The following KDM4C variants were observed in gnomAD, a reference collection of about 807,000 sequenced individuals.
The protein encoded by KDM4C is lysine-specific demethylase 4C.
KDM4C carries 81 observed loss-of-function variants against 129.3 expected under a neutral mutation model. The ratio of observed to expected loss-of-function variants is 0.63; its 90% CI spans 0.52 to 0.75. KDM4C has a LOEUF of 0.75. Among genes scored for constraint, KDM4C ranks in the 30% least tolerant of loss-of-function variants. The pLI is 0.00. For synonymous variants in KDM4C, 573 were observed against 456.1 expected, an observed-to-expected ratio of 1.26 and a Z score of -3.26; for missense variants, 1,457 against 1,304.0, an observed-to-expected ratio of 1.12 and a Z score of -1.81.
intron 5 of KDM4C, among the ~76,000 whole-genome samples, chr9:6,854,602 AAG>A (rs528407908): frequency 3.2e-4 from 48 of 151,640 alleles, no homozygotes; most frequent in African/African-American, 1.1e-3. Flanking sequence ...GATAAGGTGT[AAG>A]AGGATGTGTT....
At chr9:7,013,036 C>G in intron 13 of KDM4C, among the ~76,000 whole-genome samples, 1 of 151,920 alleles carries the variant, frequency 6.6e-6, no homozygotes, top group East Asian at 1.9e-4. Flanking sequence ...TTTTCTCTTC[C>G]TTTAGTCATT....
intron 15 of KDM4C, among the ~76,000 whole-genome samples, chr9:7,036,442 C>T (rs1295206321): frequency 6.6e-6 from 1 of 152,136 alleles, no homozygotes; most frequent in African/African-American, 2.4e-5. Context: ...TTACATGTTT[C>T]TTGCCACTTA....
At chr9:7,059,178 C>G (rs1417466471) in intron 17 of KDM4C, among the ~76,000 whole-genome samples, 2 of 152,166 alleles carry the variant, frequency 1.3e-5, no homozygotes, top group South Asian at 2.1e-4. Flanking sequence ...GGAGCAGGGT[C>G]TTGCTCTGTC....
intron 19 of KDM4C, among the ~76,000 whole-genome samples, chr9:7,150,025 A>G (rs970255760): frequency 6.6e-6 from 1 of 152,160 alleles, no homozygotes; most frequent in African/African-American, 2.4e-5. Flanking sequence ...ATCATTCCAG[A>G]ATACTGTAGA....
chr9:6,950,717 A>G (rs543064410), intron 8 of KDM4C, among the ~76,000 whole-genome samples: 135 of 152,300 alleles, frequency 8.9e-4, no homozygotes, highest in African/African-American at 3.2e-3. Flanking sequence ...CATTTACATA[A>G]AAGTTGAAGT....
chr9:7,093,585 T>TG lies in KDM4C; in HGVS notation c.2425-10100_2425-10099insG, dbSNP rs554796999. Among the ~76,000 whole-genome samples, 93 of 152,282 alleles carry TG rather than the reference T, an allele frequency of 6.1e-4. 1 individual carries two copies. In the South Asian group the frequency reaches 0.011, roughly 18 times the overall value. On this transcript the variant is annotated intron_variant, in intron 17 of 21. Coordinates refer to ENST00000381309, the MANE Select transcript of KDM4C (RefSeq NM_015061.6). Reference sequence around the variant, plus strand: ...TTCATTGTTCTTCATCTGGGTTTTTTTGTGTGTGTGTCCTGGACTCCTTTG... The same window carrying TG: ...TTCATTGTTCTTCATCTGGGTTTTTTGTGTGTGTGTGTCCTGGACTCCTTTG...
intron 1 of KDM4C, among the ~76,000 whole-genome samples, chr9:6,728,066 C>CAAAAAAAAA (rs574486528): frequency 1.4e-5 from 1 of 73,930 alleles, no homozygotes. Flanking sequence ...CATGAAGCTG[C>CAAAAAAAAA]AAAAAAAAAA....
At chr9:6,859,615 C>A (rs1403961133) in intron 5 of KDM4C, among the ~76,000 whole-genome samples, 2 of 149,850 alleles carry the variant, frequency 1.3e-5, no homozygotes, top group Non-Finnish European at 3.0e-5. Context: ...TGTAATCCAG[C>A]ACTTTGGGAG....
chr9:7,132,614 G>A (rs1450895798), intron 19 of KDM4C, among the ~76,000 whole-genome samples: 1 of 152,162 alleles, frequency 6.6e-6, no homozygotes, highest in Non-Finnish European at 1.5e-5. Flanking sequence ...ATGAAATTGG[G>A]ACACACTTCT....
chr9:7,059,388 C>A (rs1048820048), intron 17 of KDM4C, among the ~76,000 whole-genome samples: 4 of 152,176 alleles, frequency 2.6e-5, no homozygotes, highest in East Asian at 1.9e-4. Context: ...CAGGACTAAG[C>A]CACCGCGCCT....
At chr9:6,787,366 C>T (rs886101218) in intron 1 of KDM4C, among the ~76,000 whole-genome samples, 9 of 152,104 alleles carry the variant, frequency 5.9e-5, no homozygotes, top group East Asian at 3.9e-4. Flanking sequence ...CCTAGTAGCT[C>T]GGATCACAGG....
chr9:7,028,245 G>A (rs749629727), intron 15 of KDM4C, among the ~76,000 whole-genome samples: 1 of 152,014 alleles, frequency 6.6e-6, no homozygotes, highest in Non-Finnish European at 1.5e-5. Flanking sequence ...GGCTCACGGG[G>A]TACCATCTGG....
At chr9:6,857,514 A>C (rs1840078791) in intron 5 of KDM4C, among the ~76,000 whole-genome samples, 1 of 152,126 alleles carries the variant, frequency 6.6e-6, no homozygotes. Flanking sequence ...ATCTCTGTGG[A>C]CCACTGCTCA....
intron 1 of KDM4C, among the ~76,000 whole-genome samples, chr9:6,788,842 A>G (rs1036608427): frequency 1.3e-5 from 2 of 152,102 alleles, no homozygotes; most frequent in Admixed American, 1.3e-4. Context: ...AGGATTAGGA[A>G]TCTCAGGGGT....
intron 8 of KDM4C, among the ~76,000 whole-genome samples, chr9:6,908,023 T>C (rs985447979): frequency 1.3e-5 from 2 of 152,206 alleles, no homozygotes; most frequent in African/African-American, 4.8e-5. Flanking sequence ...TTGTAAGGAA[T>C]GGATTTTCCT....
chr9:6,835,360 A>G, intron 4 of KDM4C: 1 of 1,061,630 alleles, frequency 9.4e-7, no homozygotes, highest in Non-Finnish European at 1.5e-6. Context: ...TGGCGGCACC[A>G]CCATGTACCC....
intron 4 of KDM4C, among the ~76,000 whole-genome samples, chr9:6,840,919 A>G (rs960987486): frequency 6.6e-6 from 1 of 152,198 alleles, no homozygotes; most frequent in Non-Finnish European, 1.5e-5. Context: ...GAGGCAATTT[A>G]AATGGGTGCT....
At chr9:6,834,058 T>TTTTTTTTTTTA (rs1835403673) in intron 4 of KDM4C, among the ~76,000 whole-genome samples, 1 of 149,932 alleles carries the variant, frequency 6.7e-6, no homozygotes, top group African/African-American at 2.5e-5. Context: ...TTTTTTTTTT[T>TTTTTTTTTTTA]AAGATAGTCT....
At position 7,071,731 on chromosome 9, in the gene KDM4C, A is replaced by C. The variant is rs76862394; in HGVS notation, c.2424+22531A>C. On this transcript the variant is annotated intron_variant, in intron 17 of 21. Transcript: ENST00000381309. ...AAAGCCCTATGAGATTTCTTAGATAAATAGATCAAAATTTTGACCCATTAA... is the reference window on the plus strand; with the variant it reads ...AAAGCCCTATGAGATTTCTTAGATACATAGATCAAAATTTTGACCCATTAA... 7.8e-3 allele frequency among the ~76,000 whole-genome samples: 1,193 copies of C among 152,294 alleles called. 22 individuals carry two copies. Among genetic ancestry groups the C allele is most frequent in the African/African-American group, 0.027 (1,103 of 41,564 alleles).
Sources: allele counts gnomAD v4.1 joint callset (sites outside exome capture counted in the v4.1 genomes callset), GRCh38; gene constraint gnomAD v4.1.1; transcripts MANE v1.5; gene names NCBI Gene and HGNC (gene_info 2026-07-23, HGNC 2026-07-21).